CCDC192: variants seen among roughly 807,000 people sequenced by gnomAD.
The protein encoded by CCDC192 is coiled-coil domain-containing protein 192.
rs1247069275 is a variant in CCDC192, at chr5:127,941,486, A to C, written c.*18A>C. 1 of 398,948 alleles carries C rather than the reference A, an allele frequency of 2.5e-6. No individual in the cohort carries two copies. The highest frequency in any genetic ancestry group is 2.1e-5 in the African/African-American group (1 of 48,644). The allele number at this position is 398,948 out of a possible 1,614,324, so 24.7% of individuals were successfully genotyped here. A position where few individuals can be genotyped will look rare whatever the true frequency, so the allele number is the denominator to read the frequency against. ...ATTTGTAGATTCCCAATAAGAAAAC[A>C]ATAAAAGTTTATTAAGTGTCATCCA... On this transcript the variant is annotated 3_prime_UTR_variant, in exon 7 of 7. Transcript: ENST00000514853.
intron 5 of CCDC192, among the ~76,000 whole-genome samples, chr5:127,853,967 C>G (rs946962505): frequency 9.9e-5 from 15 of 152,210 alleles, no homozygotes; most frequent in Non-Finnish European, 2.1e-4. Flanking sequence ...TTCAATGACT[C>G]TATTCCCAGC....
Position 127,802,896 on chromosome 5 carries a change from G to C in CCDC192, c.411+4734G>C, listed in dbSNP as rs552811135. ...ACTTTATGACAAAGAATTGTATTCT[G>C]TGAAGATGTCAATATTACATCAGGC... is the stretch of plus-strand genomic sequence containing the variant. On this transcript the variant is annotated intron_variant, in intron 5 of 6. Transcript: ENST00000514853. 1.7e-4 allele frequency among the ~76,000 whole-genome samples: 26 copies of C among 152,278 alleles called. No individual in the cohort carries two copies. In the South Asian group the frequency reaches 5.0e-3, roughly 29 times the overall value.
chr5:127,906,725 G>A (rs1182700454), intron 6 of CCDC192, among the ~76,000 whole-genome samples: 1 of 152,174 alleles, frequency 6.6e-6, no homozygotes, highest in Admixed American at 6.5e-5. Context: ...GTTAGAGGCT[G>A]TAGTGAGCCA....
chr5:127,903,391 C>T (rs1235134552), intron 6 of CCDC192, among the ~76,000 whole-genome samples: 9 of 152,012 alleles, frequency 5.9e-5, no homozygotes, highest in Non-Finnish European at 1.3e-4. Context: ...TACAGGCAAC[C>T]GGCACCACAC....
At chr5:127,880,760 G>A (rs540944338) in intron 6 of CCDC192, among the ~76,000 whole-genome samples, 1 of 151,954 alleles carries the variant, frequency 6.6e-6, no homozygotes, top group East Asian at 1.9e-4. Context: ...TGGATGGATC[G>A]CCTGAGATCA....
intron 5 of CCDC192, among the ~76,000 whole-genome samples, chr5:127,815,956 T>C (rs1291189855): frequency 6.6e-6 from 1 of 152,206 alleles, no homozygotes; most frequent in Non-Finnish European, 1.5e-5. Context: ...TCAGGTGTTA[T>C]TAAATATACA....
At chr5:127,927,810 T>C (rs1225493442) in intron 6 of CCDC192, among the ~76,000 whole-genome samples, 1 of 151,796 alleles carries the variant, frequency 6.6e-6, no homozygotes, top group Non-Finnish European at 1.5e-5. Context: ...CTATAATGGA[T>C]AGATTTTCTT....
At chr5:127,889,230 A>G (rs1445406029) in intron 6 of CCDC192, among the ~76,000 whole-genome samples, 1 of 152,104 alleles carries the variant, frequency 6.6e-6, no homozygotes, top group Non-Finnish European at 1.5e-5. Flanking sequence ...ATCCTTTGAA[A>G]ACATTCCTGA....
chr5:127,898,996 G>A (rs1425934927), intron 6 of CCDC192, among the ~76,000 whole-genome samples: 2 of 152,154 alleles, frequency 1.3e-5, no homozygotes, highest in African/African-American at 4.8e-5. Flanking sequence ...TACAGCGAGA[G>A]TGGGTTTCTT....
intron 3 of CCDC192, among the ~76,000 whole-genome samples, chr5:127,766,994 A>G (rs1755264694): frequency 6.6e-6 from 1 of 152,200 alleles, no homozygotes; most frequent in African/African-American, 2.4e-5. Flanking sequence ...TTTGTTTCCA[A>G]AAGCCTAAAC....
intron 2 of CCDC192, among the ~76,000 whole-genome samples, chr5:127,708,678 T>C (rs886693637): frequency 6.6e-6 from 1 of 152,184 alleles, no homozygotes; most frequent in Non-Finnish European, 1.5e-5. Flanking sequence ...TTTTCATCTG[T>C]AGAATAAAGA....
intron 6 of CCDC192, among the ~76,000 whole-genome samples, chr5:127,939,267 A>C (rs573804653): frequency 1.1e-3 from 173 of 151,602 alleles, no homozygotes; most frequent in African/African-American, 4.0e-3. Flanking sequence ...ACAGGTGTGC[A>C]CCACCACACC....
At chr5:127,853,864 C>T (rs185859417) in intron 5 of CCDC192, among the ~76,000 whole-genome samples, 1 of 152,236 alleles carries the variant, frequency 6.6e-6, no homozygotes, top group Admixed American at 6.5e-5. Flanking sequence ...GCCCCATAGT[C>T]CTTCTTAGAG....
chr5:127,798,160 C>A lies in CCDC192; in HGVS notation c.409C>A (p.Gln137Lys), dbSNP rs1293682389. ...VKASQEQLIA[Q>K]KLKHEKKVKK... The stretch of plus-strand genomic sequence containing the variant: ...AGCTTCCCAGGAGCAACTTATAGCC[C>A]AGGTAAGTGTTTTCCTCCTTTTTTC... The change falls in exon 5 of 7, where the codon CAG becomes AAG. Residue 137 changes from glutamine (Q) to lysine (K), a missense_variant and splice_region_variant. Coordinates refer to ENST00000514853, the MANE Select transcript of CCDC192 (RefSeq NM_001317938.2). The A allele has an allele frequency of 2.5e-6, 1 of 398,342 alleles. No homozygotes were observed. The highest frequency in any genetic ancestry group is 1.3e-4 in the South Asian group (1 of 7,854). The allele number at this position is 398,342 out of a possible 1,614,324, so 24.7% of individuals were successfully genotyped here.
At chr5:127,922,373 C>A (rs1299800955) in intron 6 of CCDC192, among the ~76,000 whole-genome samples, 1 of 152,154 alleles carries the variant, frequency 6.6e-6, no homozygotes, top group Non-Finnish European at 1.5e-5. Context: ...TGTATTATTT[C>A]ATTCACTCGT....
intron 5 of CCDC192, among the ~76,000 whole-genome samples, chr5:127,853,383 T>C (rs1277035570): frequency 2.0e-5 from 3 of 152,242 alleles, no homozygotes; most frequent in African/African-American, 7.2e-5. Flanking sequence ...AAGTTGTCTA[T>C]GCTTCCTGAC....
chr5:127,795,583 T>C (rs749854851), intron 3 of CCDC192, among the ~76,000 whole-genome samples: 4 of 151,902 alleles, frequency 2.6e-5, no homozygotes, highest in Non-Finnish European at 4.4e-5. Context: ...ACAGCAAAAT[T>C]GAGATTTTTT....
At chr5:127,855,980 A>G (rs903285640) in intron 5 of CCDC192, among the ~76,000 whole-genome samples, 1 of 152,224 alleles carries the variant, frequency 6.6e-6, no homozygotes, top group Non-Finnish European at 1.5e-5. Context: ...TTTTGGAATG[A>G]TAAATGAGAA....
At chr5:127,763,194 C>T (rs1263607820) in intron 3 of CCDC192, among the ~76,000 whole-genome samples, 2 of 152,174 alleles carry the variant, frequency 1.3e-5, no homozygotes, top group African/African-American at 4.8e-5. Flanking sequence ...AAGGTTCTCA[C>T]AGACAACTCA....
Sources: gnomAD v4.1 joint callset for allele counts (sites outside exome capture counted in the v4.1 genomes callset) on GRCh38, gnomAD v4.1.1 for gene constraint, MANE v1.5 for transcripts, NCBI Gene and HGNC (gene_info 2026-07-23, HGNC 2026-07-21) for gene names.